The following ZFHX4 variants were observed in gnomAD, a reference collection of about 807,000 sequenced individuals.
ZFHX4 encodes the protein zinc finger homeobox 4, also known as zinc finger homeobox protein 4.
ZFHX4 carries 56 observed loss-of-function variants against 267.6 expected under a neutral mutation model. The observed-to-expected ratio is 0.21, with a 90% CI of 0.17 to 0.26. ZFHX4 has a LOEUF of 0.26. ZFHX4 is among the 10% of genes least tolerant of loss of function. The probability of loss-of-function intolerance (pLI) is 1.00; values close to 1 mark genes in which losing one functional copy is unlikely to be tolerated. For synonymous variants in ZFHX4, 1,778 were observed against 1,665.6 expected, an observed-to-expected ratio of 1.07 and a Z score of -1.64; for missense variants, 4,332 against 4,420.0, an observed-to-expected ratio of 0.98 and a Z score of 0.56.
chr8:76,775,739 C>G (rs192617174), intron 3 of ZFHX4, among the ~76,000 whole-genome samples: 16 of 152,108 alleles, frequency 1.1e-4, no homozygotes, highest in African/African-American at 3.6e-4. Context: ...ATAATAGGAG[C>G]CTTGCTGTTC....
intron 1 of ZFHX4, among the ~76,000 whole-genome samples, chr8:76,699,802 A>T (rs1467826553): frequency 6.6e-6 from 1 of 151,456 alleles, no homozygotes; most frequent in Non-Finnish European, 1.5e-5. Context: ...TCTGAATTTA[A>T]CAATAAGGAA....
chr8:76,757,746 C>T (rs2131722473), intron 3 of ZFHX4, among the ~76,000 whole-genome samples: 1 of 152,324 alleles, frequency 6.6e-6, no homozygotes, highest in South Asian at 2.1e-4. Flanking sequence ...ATGCCTATGT[C>T]TCTTGCTCAG....
chr8:76,846,137 C>A (rs1812358628), intron 6 of ZFHX4, among the ~76,000 whole-genome samples: 1 of 151,830 alleles, frequency 6.6e-6, no homozygotes, highest in African/African-American at 2.4e-5. Context: ...TATAATTTAC[C>A]AGGGATGCCA....
chr8:76,699,001 T>C (rs1808031194), intron 1 of ZFHX4, among the ~76,000 whole-genome samples: 1 of 152,152 alleles, frequency 6.6e-6, no homozygotes, highest in Non-Finnish European at 1.5e-5. Flanking sequence ...AGCTCTAAGC[T>C]GGTTAATGCA....
chr8:76,855,008 C>G lies in ZFHX4; in HGVS notation c.8087C>G (p.Ser2696Cys). 6.2e-7 allele frequency: 1 copy of G among 1,613,972 alleles called. No homozygotes were observed. The highest frequency in any genetic ancestry group is 8.5e-7 in the Non-Finnish European group (1 of 1,179,880). Residue 2696 changes from serine to cysteine, a missense_variant, in exon 10 of 11, where the codon TCT becomes TGT. By Grantham distance (112) the Ser-to-Cys change is moderately radical. Around this residue, in one of 7 missense-constraint regions of ZFHX4, gnomAD observed 1,648 missense variants for 1,625.0 expected, o/e 1.01. Transcript: ENST00000651372. ...AKSALESHIR[S>C]RHWNEGKQAG... ...TCGGCCTTAGAAAGCCACATTCGCTCTCGGCACTGGAATGAAGGAAAGCAG... is the reference window on the plus strand; with the variant it reads ...TCGGCCTTAGAAAGCCACATTCGCTGTCGGCACTGGAATGAAGGAAAGCAG...
At chr8:76,789,595 G>T (rs1051216412) in intron 4 of ZFHX4, among the ~76,000 whole-genome samples, 1 of 152,090 alleles carries the variant, frequency 6.6e-6, no homozygotes, top group Non-Finnish European at 1.5e-5. Flanking sequence ...ACAGATCTGT[G>T]GGTCAGAATT....
At chr8:76,771,414 C>T (rs1810260069) in intron 3 of ZFHX4, among the ~76,000 whole-genome samples, 1 of 151,748 alleles carries the variant, frequency 6.6e-6, no homozygotes, top group South Asian at 2.1e-4. Context: ...GTTTTCTTCT[C>T]TTTTTTTTCT....
intron 1 of ZFHX4, among the ~76,000 whole-genome samples, chr8:76,699,556 A>G (rs567993398): frequency 6.6e-6 from 1 of 152,250 alleles, no homozygotes; most frequent in South Asian, 2.1e-4. Context: ...GCGTTATGAT[A>G]TATCAAAAGA....
At chr8:76,858,682 A>G (rs548592929) in intron 10 of ZFHX4, among the ~76,000 whole-genome samples, 3 of 152,250 alleles carry the variant, frequency 2.0e-5, no homozygotes, top group East Asian at 1.9e-4. Flanking sequence ...CTATTTTCCC[A>G]TGATCATTTT....
intron 3 of ZFHX4, among the ~76,000 whole-genome samples, chr8:76,760,052 A>G (rs997476192): frequency 2.6e-5 from 4 of 152,228 alleles, no homozygotes; most frequent in Non-Finnish European, 5.9e-5. Context: ...CCAGTCCACT[A>G]ATAAGAATCT....
At chr8:76,786,422 G>C (rs949401551) in intron 4 of ZFHX4, among the ~76,000 whole-genome samples, 1 of 150,398 alleles carries the variant, frequency 6.6e-6, no homozygotes, top group African/African-American at 2.5e-5. Context: ...ACTTTTTTGG[G>C]CATTTTAGAT....
At chr8:76,696,788 T>A (rs1022367498) in intron 1 of ZFHX4, among the ~76,000 whole-genome samples, 1 of 152,032 alleles carries the variant, frequency 6.6e-6, no homozygotes, top group Non-Finnish European at 1.5e-5. Context: ...TCTATTATGC[T>A]AGTCCTAATG....
chr8:76,796,514 A>T (rs1207269188), intron 4 of ZFHX4, among the ~76,000 whole-genome samples: 1 of 152,160 alleles, frequency 6.6e-6, no homozygotes, highest in East Asian at 1.9e-4. Flanking sequence ...GTATGCCAAG[A>T]TTCATCTTGT....
intron 3 of ZFHX4, among the ~76,000 whole-genome samples, chr8:76,777,886 T>G (rs1585934075): frequency 1.4e-5 from 2 of 138,278 alleles, no homozygotes; most frequent in Admixed American, 7.0e-5. Context: ...TTGTTTTTTG[T>G]TTTTTTTTTT....
chr8:76,705,072 C>G lies in ZFHX4; in HGVS notation c.984C>G (p.Asp328Glu). ...VSAIIQGIGK[D>E]KEPLISFLEP... Reference sequence around the variant, plus strand: ...CCATAATACAGGGGATTGGCAAAGACAAAGAACCTCTTATAAGCTTTCTGG... The same window carrying G: ...CCATAATACAGGGGATTGGCAAAGAGAAAGAACCTCTTATAAGCTTTCTGG... The change falls in exon 2 of 11, where the codon GAC becomes GAG. Residue 328 changes from aspartate to glutamate, a missense_variant. Around this residue, in one of 7 missense-constraint regions of ZFHX4, gnomAD observed 1,195 missense variants for 1,173.6 expected, o/e 1.02. Transcript: ENST00000651372. The G allele has an allele frequency of 6.2e-7, 1 of 1,613,890 alleles. No individual in the cohort carries two copies. The highest frequency in any genetic ancestry group is 8.5e-7 in the Non-Finnish European group (1 of 1,179,866).
At chr8:76,822,659 C>A (rs745640666) in intron 4 of ZFHX4, among the ~76,000 whole-genome samples, 4 of 151,790 alleles carry the variant, frequency 2.6e-5, no homozygotes, top group Non-Finnish European at 5.9e-5. Context: ...AACTTCTTGT[C>A]TTGAACTTCT....
intron 4 of ZFHX4, among the ~76,000 whole-genome samples, chr8:76,817,095 G>A (rs2131855968): frequency 6.6e-6 from 1 of 152,266 alleles, no homozygotes; most frequent in African/African-American, 2.4e-5. Flanking sequence ...AAATGAAACA[G>A]CAGGAGGCCA....
chr8:76,783,302 C>T lies in ZFHX4; in HGVS notation c.3325+4863C>T, dbSNP rs563158033. On this transcript the variant is annotated intron_variant, in intron 4 of 10. Coordinates refer to ENST00000651372, the MANE Select transcript of ZFHX4 (RefSeq NM_024721.5). ...GACTTTGGAGATGAACAGCACTTGA[C>T]GTGTTGTTGCATGATGCGTTTAAAA... Among the ~76,000 whole-genome samples the T allele has an allele frequency of 1.6e-4, 24 of 152,040 alleles. No individual in the cohort carries two copies. The South Asian group carries it at 2.3e-3, about 14-fold the overall frequency.
At position 76,863,940 on chromosome 8, in the gene ZFHX4, A is replaced by G. The variant is rs566785596; in HGVS notation, c.10226A>G (p.Gln3409Arg). Residue 3409 changes from glutamine to arginine, a missense_variant, in exon 11 of 11, where the codon CAG becomes CGG. Gln to Arg is a conservative substitution (Grantham distance 43). Coordinates refer to ENST00000651372, the MANE Select transcript of ZFHX4 (RefSeq NM_024721.5). The part of the protein sequence containing the change: ...VKYEFICRKC[Q>R]MMFTDEDAAV... Reference sequence around the variant, plus strand: ...TATGAGTTTATATGCAGAAAGTGCCAGATGATGTTTACTGATGAAGACGCC... The same window carrying G: ...TATGAGTTTATATGCAGAAAGTGCCGGATGATGTTTACTGATGAAGACGCC... The G allele has an allele frequency of 6.2e-7, 1 of 1,604,132 alleles. No homozygotes were observed. The highest frequency in any genetic ancestry group is 2.2e-5 in the East Asian group (1 of 44,506).
Sources: allele counts gnomAD v4.1 joint callset (sites outside exome capture counted in the v4.1 genomes callset), GRCh38; gene constraint gnomAD v4.1.1; regional missense constraint gnomAD v4.1.1; transcripts MANE v1.5; gene names NCBI Gene and HGNC (gene_info 2026-07-23, HGNC 2026-07-21).